Variants in BACE2 observed in about 807,000 individuals in gnomAD.
The protein encoded by BACE2 is beta-secretase 2.
Under a neutral mutation model 46.2 loss-of-function variants are expected in BACE2, and 17 were observed. That is an observed-to-expected ratio of 0.37 (90% confidence interval 0.25 to 0.55). BACE2 has a LOEUF of 0.55. Among genes scored for constraint, BACE2 ranks in the 20% least tolerant of loss-of-function variants. BACE2 has a pLI of 0.82. For synonymous variants in BACE2, 277 were observed against 295.9 expected (o/e 0.94, Z 0.66); for missense variants, 595 against 698.1 (o/e 0.85, Z 1.66).
chr21:41,197,279 T>G (rs1205971972), intron 1 of BACE2, among the ~76,000 whole-genome samples: 7 of 151,714 alleles, frequency 4.6e-5, no homozygotes, highest in South Asian at 4.2e-4. Context: ...TTTTTTGTTT[T>G]TTTTTTTTTT....
At chr21:41,210,673 A>G (rs534899364) in intron 1 of BACE2, among the ~76,000 whole-genome samples, 22 of 152,198 alleles carry the variant, frequency 1.4e-4, no homozygotes, top group African/African-American at 5.3e-4. Context: ...CAGATAAGAG[A>G]CCCCTGACAG....
intron 1 of BACE2, among the ~76,000 whole-genome samples, chr21:41,169,546 A>G (rs997841241): frequency 6.6e-6 from 1 of 151,700 alleles, no homozygotes; most frequent in Non-Finnish European, 1.5e-5. Flanking sequence ...AATTGAATGC[A>G]CTATTTGAAG....
chr21:41,244,525 G>C (rs531545798), intron 5 of BACE2, among the ~76,000 whole-genome samples: 14 of 151,428 alleles, frequency 9.2e-5, no homozygotes, highest in African/African-American at 3.4e-4. Flanking sequence ...AATTTCACAA[G>C]GTAATGTCAT....
chr21:41,242,072 C>A lies in BACE2; in HGVS notation c.747+125C>A, dbSNP rs1325534620. ...GTGTGCGTAGGTACTGTAAAACTTT[C>A]ATCCTCCTTGTAGTAGATCTTTTTA... On this transcript the variant is annotated intron_variant, in intron 4 of 8. Coordinates refer to ENST00000330333, the MANE Select transcript of BACE2 (RefSeq NM_012105.5). 4.7e-6 allele frequency: 6 copies of A among 1,273,392 alleles called. No individual in the cohort carries two copies. In the Admixed American group the frequency reaches 1.4e-4, roughly 29 times the overall value. The allele number at this position is 1,273,392 out of a possible 1,614,324, so 78.9% of individuals were successfully genotyped here.
At chr21:41,181,564 G>A (rs1985124623) in intron 1 of BACE2, 1 of 167,030 alleles carries the variant, frequency 6.0e-6, no homozygotes, top group Non-Finnish European at 1.5e-5. Context: ...AGCATCGCAG[G>A]GAAGCTTCCA....
intron 1 of BACE2, among the ~76,000 whole-genome samples, chr21:41,174,688 A>C (rs1984742888): frequency 1.3e-5 from 2 of 152,130 alleles, no homozygotes; most frequent in South Asian, 4.2e-4. Context: ...CACTGGGTAC[A>C]GCAGGAACGG....
At chr21:41,211,935 T>A (rs552932871) in intron 1 of BACE2, among the ~76,000 whole-genome samples, 126 of 152,328 alleles carry the variant, frequency 8.3e-4, no homozygotes, top group African/African-American at 3.0e-3. Context: ...ACGTCCACAG[T>A]CTGTTTAGGT....
chr21:41,261,743 G>A (rs758082654), intron 8 of BACE2, among the ~76,000 whole-genome samples: 8 of 151,712 alleles, frequency 5.3e-5, no homozygotes, highest in Non-Finnish European at 8.8e-5. Flanking sequence ...ATATAAGGAC[G>A]TTCCATTTTC....
At chr21:41,257,691 A>G (rs965398953) in intron 8 of BACE2, among the ~76,000 whole-genome samples, 1 of 152,242 alleles carries the variant, frequency 6.6e-6, no homozygotes, top group African/African-American at 2.4e-5. Context: ...TTATTTGTCC[A>G]TAAAGCTGTC....
chr21:41,178,361 TTATAAC>T (rs1487921889), intron 1 of BACE2: 1 of 152,204 alleles, frequency 6.6e-6, no homozygotes, highest in Non-Finnish European at 1.5e-5. Context: ...TAAAAATCAC[TTATAAC>T]TGGAGTGACT....
At chr21:41,225,260 A>G (rs1429642948) in intron 1 of BACE2, among the ~76,000 whole-genome samples, 2 of 152,024 alleles carry the variant, frequency 1.3e-5, no homozygotes, top group African/African-American at 2.4e-5. Context: ...TATCTAGTCT[A>G]TGATCCAAAA....
At chr21:41,233,058 C>T (rs551585923) in intron 2 of BACE2, among the ~76,000 whole-genome samples, 12 of 152,062 alleles carry the variant, frequency 7.9e-5, no homozygotes, top group Admixed American at 2.6e-4. Flanking sequence ...TCAGTAGAGA[C>T]GGGGTTTCAC....
chr21:41,181,338 C>A (rs868656134), intron 1 of BACE2: 1 of 167,088 alleles, frequency 6.0e-6, no homozygotes, highest in African/African-American at 2.4e-5. Flanking sequence ...CAGGTTGGGT[C>A]TATAGAGATA....
At chr21:41,181,451 T>A (rs1185732657) in intron 1 of BACE2, 2 of 167,110 alleles carry the variant, frequency 1.2e-5, no homozygotes, top group African/African-American at 4.8e-5. Flanking sequence ...CCTTTGTATG[T>A]TCCCATCCGG....
chr21:41,256,919 T>C (rs547178446), intron 7 of BACE2, among the ~76,000 whole-genome samples: 1 of 152,332 alleles, frequency 6.6e-6, no homozygotes, highest in African/African-American at 2.4e-5. Flanking sequence ...TGTGTGCACC[T>C]GTGTGTAACT....
At chr21:41,231,280 C>T (rs1986960760) in intron 2 of BACE2, among the ~76,000 whole-genome samples, 1 of 152,174 alleles carries the variant, frequency 6.6e-6, no homozygotes, top group South Asian at 2.1e-4. Flanking sequence ...CTGAGCTGAC[C>T]CTGAACCTCA....
At chr21:41,260,748 C>T (rs1310162602) in intron 8 of BACE2, among the ~76,000 whole-genome samples, 2 of 152,166 alleles carry the variant, frequency 1.3e-5, no homozygotes, top group African/African-American at 2.4e-5. Flanking sequence ...TGCCCCACTC[C>T]GTTGGTCGCA....
chr21:41,200,369 C>T (rs1158596460), intron 1 of BACE2, among the ~76,000 whole-genome samples: 3 of 152,028 alleles, frequency 2.0e-5, no homozygotes, highest in Non-Finnish European at 2.9e-5. Flanking sequence ...TAGTTTACCT[C>T]GGTTTGTGGA....
chr21:41,247,098 G>A (rs558649046), intron 6 of BACE2, among the ~76,000 whole-genome samples: 15 of 152,230 alleles, frequency 9.9e-5, no homozygotes, highest in Admixed American at 7.2e-4. Flanking sequence ...TGATTGTCCC[G>A]CTACTCTGCT....
Sources: gnomAD v4.1 joint callset for allele counts (sites outside exome capture counted in the v4.1 genomes callset) on GRCh38, gnomAD v4.1.1 for gene constraint, MANE v1.5 for transcripts, NCBI Gene and HGNC (gene_info 2026-07-23, HGNC 2026-07-21) for gene names.